FAM53B: variants seen among roughly 807,000 people sequenced by gnomAD.
The protein encoded by FAM53B is family with sequence similarity 53 member B.
FAM53B carries 12 observed loss-of-function variants against 32.7 expected under a neutral mutation model. That is an observed-to-expected ratio of 0.37 (90% confidence interval 0.24 to 0.59). FAM53B has a LOEUF of 0.59. FAM53B is among the 20% of genes least tolerant of loss of function. The pLI, the probability that FAM53B is intolerant of heterozygous loss-of-function variation, is 0.72. For synonymous variants in FAM53B, 234 were observed against 228.7 expected (o/e 1.02, Z -0.21); for missense variants, 477 against 577.7 (o/e 0.83, Z 1.79).
intron 1 of FAM53B, among the ~76,000 whole-genome samples, chr10:124,743,483 G>A (rs901469914): frequency 6.6e-6 from 1 of 152,152 alleles, no homozygotes; most frequent in Admixed American, 6.5e-5. Context: ...CAGTCCAGCA[G>A]CAGCGGAGCC....
chr10:124,669,235 A>G lies in FAM53B; in HGVS notation c.906+12372T>C, dbSNP rs546146464. ...TGTCCACTTGAGGGATGTAACGCGC[A>G]CTGTCCACACACCTCCGCTCAGTGT... On this transcript the variant is annotated intron_variant, in intron 4 of 4. Coordinates refer to ENST00000337318, the MANE Select transcript of FAM53B (RefSeq NM_014661.4). 3.3e-5 allele frequency among the ~76,000 whole-genome samples: 5 copies of G among 152,344 alleles called. No homozygotes were observed. The East Asian group carries it at 9.6e-4, about 29-fold the overall frequency.
intron 4 of FAM53B, among the ~76,000 whole-genome samples, chr10:124,637,777 A>G (rs932053028): frequency 6.6e-6 from 1 of 152,176 alleles, no homozygotes; most frequent in African/African-American, 2.4e-5. Flanking sequence ...AGTGCCCTCC[A>G]TAGGCCAGGA....
intron 2 of FAM53B, among the ~76,000 whole-genome samples, chr10:124,700,356 C>T (rs1564881434): frequency 6.6e-6 from 1 of 152,200 alleles, no homozygotes; most frequent in Non-Finnish European, 1.5e-5. Context: ...GAGCCAATCA[C>T]GGTGTGGAGG....
At chr10:124,671,916 TC>T (rs1188541809) in intron 4 of FAM53B, among the ~76,000 whole-genome samples, 1 of 152,210 alleles carries the variant, frequency 6.6e-6, no homozygotes, top group Non-Finnish European at 1.5e-5. Flanking sequence ...CAAACCAAGT[TC>T]CCGCCAGCAT....
chr10:124,694,764 T>C (rs1589753313), intron 3 of FAM53B, among the ~76,000 whole-genome samples: 1 of 152,198 alleles, frequency 6.6e-6, no homozygotes, highest in Non-Finnish European at 1.5e-5. Flanking sequence ...TATTCAATCC[T>C]GTGGGGACGG....
chr10:124,708,752 C>T (rs890414706), intron 1 of FAM53B, among the ~76,000 whole-genome samples: 53 of 152,356 alleles, frequency 3.5e-4, no homozygotes, highest in African/African-American at 1.3e-3. Context: ...TTCAGCTCTA[C>T]GGCAGCCAGC....
In FAM53B at chr10:124,675,436, C is replaced by T. The variant is rs147460427; in HGVS notation, c.906+6171G>A. ...GCAGCAGAGGGTGTGGGGCGAGCTA[C>T]CATGGGAGCAACAGAAGAAAGGCTG... On this transcript the variant is annotated intron_variant, in intron 4 of 4. Coordinates refer to ENST00000337318, the MANE Select transcript of FAM53B (RefSeq NM_014661.4). 1.5e-4 allele frequency among the ~76,000 whole-genome samples: 23 copies of T among 152,252 alleles called. 1 individual carries two copies. In the East Asian group the frequency reaches 3.7e-3, roughly 24 times the overall value.
intron 4 of FAM53B, among the ~76,000 whole-genome samples, chr10:124,646,721 CCTT>C (rs748402371): frequency 1.1e-4 from 16 of 152,216 alleles, no homozygotes; most frequent in Non-Finnish European, 1.9e-4. Context: ...CTCTGACTTC[CCTT>C]CTTATCTAAC....
intron 1 of FAM53B, among the ~76,000 whole-genome samples, chr10:124,712,302 G>A (rs1323939538): frequency 6.6e-6 from 1 of 152,032 alleles, no homozygotes; most frequent in Non-Finnish European, 1.5e-5. Context: ...GCTGCAGTGA[G>A]CCGAGATTAC....
chr10:124,650,632 G>A (rs958365457), intron 4 of FAM53B, among the ~76,000 whole-genome samples: 3 of 152,174 alleles, frequency 2.0e-5, no homozygotes, highest in Admixed American at 1.3e-4. Context: ...CAGCGAAGCC[G>A]AGAGCTGAAC....
At chr10:124,696,760 C>T (rs963118723) in intron 2 of FAM53B, among the ~76,000 whole-genome samples, 9 of 152,208 alleles carry the variant, frequency 5.9e-5, no homozygotes, top group Admixed American at 4.6e-4. Context: ...GTGGCTACAT[C>T]GAGTCCCCTT....
chr10:124,711,541 A>T (rs1048292442), intron 1 of FAM53B, among the ~76,000 whole-genome samples: 10 of 152,238 alleles, frequency 6.6e-5, no homozygotes, highest in African/African-American at 2.4e-4. Flanking sequence ...TCAAAAAAAA[A>T]ATTTTAAATA....
At chr10:124,687,740 A>G (rs1262449456) in intron 3 of FAM53B, among the ~76,000 whole-genome samples, 1 of 152,198 alleles carries the variant, frequency 6.6e-6, no homozygotes, top group Non-Finnish European at 1.5e-5. Flanking sequence ...TTGGTAAATC[A>G]GAGTCTCTCT....
At chr10:124,669,911 TAGGGTGGGTGAGGATTAC>T (rs140408792) in intron 4 of FAM53B, among the ~76,000 whole-genome samples, 107,351 of 125,162 alleles carry the variant, frequency 0.86, 47,174 homozygotes, top group Non-Finnish European at 0.93. Flanking sequence ...GTAAGGACCA[TAGGGTGGGTGAGGATTAC>T]AGGGTGGGTG....
chr10:124,687,513 C>T (rs1030651434), intron 3 of FAM53B, among the ~76,000 whole-genome samples: 3 of 152,190 alleles, frequency 2.0e-5, no homozygotes, highest in Non-Finnish European at 4.4e-5. Context: ...AAACAGCAGT[C>T]ATCATAAGGA....
intron 2 of FAM53B, among the ~76,000 whole-genome samples, chr10:124,699,345 C>A (rs1949897921): frequency 1.3e-5 from 2 of 152,234 alleles, no homozygotes; most frequent in Non-Finnish European, 2.9e-5. Flanking sequence ...TTTCACTGGG[C>A]AGAAGTCACT....
chr10:124,623,407 G>A lies in FAM53B; in HGVS notation c.1104C>T (p.Ala368=). 1.9e-6 allele frequency: 3 copies of A among 1,611,404 alleles called. No homozygotes were observed. The highest frequency in any genetic ancestry group is 2.5e-6 in the Non-Finnish European group (3 of 1,179,422). ...CCTCACAGGACAGGTCCTCCTGGCAGGCGAGGTGGTCGTCGAAGGAAGGGG... is the reference window on the plus strand; with the variant it reads ...CCTCACAGGACAGGTCCTCCTGGCAAGCGAGGTGGTCGTCGAAGGAAGGGG... The part of the protein sequence containing the change: ...PLPPSFDDHL[A]CQEDLSCEES... Residue 368 remains alanine (A), a synonymous_variant, in exon 5 of 5, where the codon GCC becomes GCT. Coordinates refer to ENST00000337318, the MANE Select transcript of FAM53B (RefSeq NM_014661.4).
chr10:124,633,023 G>C (rs1340457720), intron 4 of FAM53B, among the ~76,000 whole-genome samples: 1 of 152,090 alleles, frequency 6.6e-6, no homozygotes, highest in Admixed American at 6.6e-5. Context: ...GGGATAAATA[G>C]AGACCACCAA....
chr10:124,630,506 G>A (rs1315518887), intron 4 of FAM53B, among the ~76,000 whole-genome samples: 1 of 152,182 alleles, frequency 6.6e-6, no homozygotes, highest in Non-Finnish European at 1.5e-5. Context: ...GCCCTTCTGA[G>A]TCTGGACTGC....
Sources: allele counts gnomAD v4.1 joint callset (sites outside exome capture counted in the v4.1 genomes callset), GRCh38; gene constraint gnomAD v4.1.1; transcripts MANE v1.5; gene names NCBI Gene and HGNC (gene_info 2026-07-23, HGNC 2026-07-21).